The following DNAH12 variants were observed in gnomAD, a reference collection of about 807,000 sequenced individuals.
The protein encoded by DNAH12 is dynein axonemal heavy chain 12.
A neutral mutation model predicts 371.5 loss-of-function variants in DNAH12; 285 were observed. That is an observed-to-expected ratio of 0.77 (90% confidence interval 0.70 to 0.85). The LOEUF is 0.85. DNAH12 is among the 40% of genes least tolerant of loss of function. DNAH12 has a pLI of 0.00. For missense variants in DNAH12, 3,611 were observed against 3,689.4 expected, an observed-to-expected ratio of 0.98 and a Z score of 0.55; for synonymous variants, 1,200 against 1,213.0, an observed-to-expected ratio of 0.99 and a Z score of 0.22.
intron 34 of DNAH12, among the ~76,000 whole-genome samples, chr3:57,427,138 A>ATGTGTGTGTGTGTGTGTGTGTGTG (rs71088070): frequency 8.6e-5 from 12 of 138,872 alleles, no homozygotes; most frequent in African/African-American, 2.5e-4. Context: ...TAAGAAGCGA[A>ATGTGTGTGTGTGTGTGTGTGTGTG]TGTGTGTGTG....
chr3:57,459,929 C>G (rs1283796805), intron 19 of DNAH12, 143 bp from the exon 20 acceptor site: 5 of 715,390 alleles, frequency 7.0e-6, no homozygotes, highest in Non-Finnish European at 9.7e-6. Flanking sequence ...GTATGTCTCA[C>G]AAAGGCTTAG....
At chr3:57,477,008 G>T (rs2066552104) in intron 13 of DNAH12, among the ~76,000 whole-genome samples, 1 of 152,188 alleles carries the variant, frequency 6.6e-6, no homozygotes, top group Non-Finnish European at 1.5e-5. Flanking sequence ...CGACGCAGAA[G>T]ATGGGTGATT....
chr3:57,393,625 C>CAAAAAAAAAAA (rs1180952196), intron 44 of DNAH12, among the ~76,000 whole-genome samples: 26 of 64,272 alleles, frequency 4.0e-4, no homozygotes, highest in African/African-American at 2.1e-3. Flanking sequence ...GACTCTGTCT[C>CAAAAAAAAAAA]AAAAAAAAAA....
chr3:57,406,217 G>A (rs1299247956), intron 40 of DNAH12, among the ~76,000 whole-genome samples: 1 of 151,932 alleles, frequency 6.6e-6, no homozygotes, highest in African/African-American at 2.4e-5. Flanking sequence ...CAGGTGTCAT[G>A]GCACGTGCCT....
At chr3:57,330,400 C>A (rs1055513048) in intron 62 of DNAH12, among the ~76,000 whole-genome samples, 24 of 152,108 alleles carry the variant, frequency 1.6e-4, no homozygotes, top group Admixed American at 1.2e-3. Context: ...AGGATGAGTT[C>A]ATGTCCTTTG....
chr3:57,378,414 A>T (rs1405281159), intron 52 of DNAH12, among the ~76,000 whole-genome samples: 2 of 152,066 alleles, frequency 1.3e-5, no homozygotes, highest in Non-Finnish European at 2.9e-5. Flanking sequence ...CTCCTTTGAA[A>T]CTAACAAAGT....
At chr3:57,312,676 T>C (rs568045690) in intron 66 of DNAH12, among the ~76,000 whole-genome samples, 1 of 152,340 alleles carries the variant, frequency 6.6e-6, no homozygotes, top group East Asian at 1.9e-4. Context: ...ATTGATTATA[T>C]GCAGTATGAT....
chr3:57,322,934 C>T, intron 64 of DNAH12, 73 bp downstream of exon 64: 1 of 1,493,222 alleles, frequency 6.7e-7, no homozygotes, highest in Non-Finnish European at 8.9e-7. Context: ...CGTCTCAAAA[C>T]AAACAAACAA....
intron 13 of DNAH12, among the ~76,000 whole-genome samples, chr3:57,477,195 C>T (rs982337753): frequency 3.3e-5 from 5 of 152,176 alleles, no homozygotes; most frequent in African/African-American, 4.8e-5. Context: ...GGGTAACAGA[C>T]GGCACCTGGA....
chr3:57,363,368 T>C (rs1374877854), intron 58 of DNAH12, among the ~76,000 whole-genome samples: 8 of 152,204 alleles, frequency 5.3e-5, no homozygotes, highest in African/African-American at 1.9e-4. Flanking sequence ...AATTTATTTC[T>C]TCTGTGTATA....
At chr3:57,341,737 T>A (rs1553656227) in intron 60 of DNAH12, among the ~76,000 whole-genome samples, 2 of 152,038 alleles carry the variant, frequency 1.3e-5, no homozygotes, top group African/African-American at 4.8e-5. Context: ...ACCAATGATG[T>A]TCTTCACAGA....
At chr3:57,551,521 T>A in the DNAH12 span, among the ~76,000 whole-genome samples, 2 of 150,088 alleles carry the variant, frequency 1.3e-5, no homozygotes, top group African/African-American at 4.9e-5. Context: ...TCCGCCCGCC[T>A]TGGCTCCCAA....
chr3:57,520,181 C>G (rs187405399), intron 4 of DNAH12, among the ~76,000 whole-genome samples: 38 of 152,192 alleles, frequency 2.5e-4, no homozygotes, highest in African/African-American at 9.1e-4. Context: ...GGCGCAATCT[C>G]GGCTCACTGC....
intron 69 of DNAH12, among the ~76,000 whole-genome samples, chr3:57,302,553 A>ATGGTTTTTTTTTTTTTTT (rs1559535314): frequency 1.2e-5 from 1 of 86,392 alleles, no homozygotes; most frequent in African/African-American, 4.2e-5. Flanking sequence ...ATATATATAT[A>ATGGTTTTTTTTTTTTTTT]TATATATATA....
intron 29 of DNAH12, 71 bp from the exon 30 acceptor site, chr3:57,437,131 G>T: frequency 2.1e-6 from 2 of 971,486 alleles, no homozygotes; most frequent in Non-Finnish European, 3.0e-6. Flanking sequence ...TATAAGTGTA[G>T]ATTTTAAATT....
At position 57,296,425 on chromosome 3, in the gene DNAH12, G is replaced by C; in HGVS notation, c.11543C>G (p.Ser3848Cys). 1 of 1,550,602 alleles carries C rather than the reference G, an allele frequency of 6.4e-7. No homozygotes were observed. The highest frequency in any genetic ancestry group is 8.7e-7 in the Non-Finnish European group (1 of 1,146,368). ...LLGYEFEVIP[S>C]DTSDTSPEDG... ...TTCTGGTGATGTGTCAGATGTATCA[G>C]ATGGGATAACCTGAAGGGATAGGCA... The change falls in exon 72 of 74, where the codon TCT becomes TGT. Residue 3848 changes from serine (S) to cysteine (C), a missense_variant. Physicochemically the swap from Ser to Cys is moderately radical, Grantham distance 112 (BLOSUM62 -1). Coordinates refer to ENST00000495027, the MANE Select transcript of DNAH12 (RefSeq NM_001366028.2).
intron 60 of DNAH12, among the ~76,000 whole-genome samples, chr3:57,349,089 G>T (rs1575488005): frequency 1.3e-5 from 2 of 151,984 alleles, no homozygotes; most frequent in East Asian, 3.9e-4. Context: ...TCTGGCAAAG[G>T]ATTAATATCC....
In DNAH12 at chr3:57,504,037, T is replaced by C. The variant is rs982096639; in HGVS notation, c.1065A>G (p.Glu355=). Residue 355 remains glutamate (E), a synonymous_variant, in exon 9 of 74, where the codon GAA becomes GAG. Coordinates refer to ENST00000495027, the MANE Select transcript of DNAH12 (RefSeq NM_001366028.2). ...ATACCTGCAGAGCTTCGGCTATTCG[T>C]TCCACCAAACTCAAGACATTATCTT... ...DLEDNVLSLV[E]RIAEALQNVQ... 4 of 1,612,996 alleles carry C rather than the reference T, an allele frequency of 2.5e-6. No homozygotes were observed. In the Admixed American group the frequency reaches 5.0e-5, roughly 20 times the overall value.
chr3:57,500,691 T>C (rs1399931352), intron 11 of DNAH12, among the ~76,000 whole-genome samples: 1 of 152,188 alleles, frequency 6.6e-6, no homozygotes, highest in African/African-American at 2.4e-5. Context: ...TCTATTCTAG[T>C]ACTTATCTCT....
Sources: allele counts gnomAD v4.1 joint callset (sites outside exome capture counted in the v4.1 genomes callset), GRCh38; gene constraint gnomAD v4.1.1; transcripts MANE v1.5; gene names NCBI Gene and HGNC (gene_info 2026-07-23, HGNC 2026-07-21).